The following DEK variants were observed in gnomAD, a reference collection of about 807,000 sequenced individuals.
DEK encodes protein DEK.
DEK carries 28 observed loss-of-function variants against 46.8 expected under a neutral mutation model. The observed-to-expected ratio is 0.60, with a 90% CI of 0.44 to 0.82. The LOEUF (loss-of-function observed/expected upper bound fraction) is 0.82. Among genes scored for constraint, DEK ranks in the 40% least tolerant of loss-of-function variants. The pLI is 0.00. For synonymous variants in DEK, 160 were observed against 144.5 expected, an observed-to-expected ratio of 1.11 and a Z score of -0.77; for missense variants, 416 against 430.6, an observed-to-expected ratio of 0.97 and a Z score of 0.30.
intron 2 of DEK, among the ~76,000 whole-genome samples, chr6:18,258,651 T>C (rs73366563): frequency 0.016 from 2,491 of 152,226 alleles, 60 homozygotes; most frequent in African/African-American, 0.057. Context: ...AAAAAAAAAT[T>C]AGAAAGCAAA....
chr6:18,227,980 C>A (rs919862433), intron 9 of DEK, among the ~76,000 whole-genome samples: 4 of 152,166 alleles, frequency 2.6e-5, no homozygotes, highest in African/African-American at 9.7e-5. Context: ...GTCCTGTACT[C>A]CTAAAATTTG....
At chr6:18,249,330 C>A (rs1791262297) in intron 7 of DEK, among the ~76,000 whole-genome samples, 1 of 152,176 alleles carries the variant, frequency 6.6e-6, no homozygotes, top group African/African-American at 2.4e-5. Context: ...CTCGAAGAAT[C>A]TGCTCCTATG....
At chr6:18,240,196 A>T (rs1790842216) in intron 7 of DEK, among the ~76,000 whole-genome samples, 1 of 152,364 alleles carries the variant, frequency 6.6e-6, no homozygotes, top group Admixed American at 6.5e-5. Context: ...ATAATAATAA[A>T]TAACAAGCCA....
intron 9 of DEK, among the ~76,000 whole-genome samples, chr6:18,234,121 G>C (rs1464892398): frequency 1.3e-5 from 2 of 150,350 alleles, no homozygotes; most frequent in Admixed American, 6.6e-5. Context: ...CTCACTCATA[G>C]GTGGGAATTG....
intron 6 of DEK, among the ~76,000 whole-genome samples, chr6:18,253,327 G>A (rs368971625): frequency 1.3e-5 from 2 of 152,280 alleles, no homozygotes; most frequent in East Asian, 1.9e-4. Flanking sequence ...AATGATAAAC[G>A]TTATGATTTC....
intron 9 of DEK, among the ~76,000 whole-genome samples, chr6:18,233,031 C>T (rs548420338): frequency 4.3e-4 from 65 of 152,210 alleles, no homozygotes; most frequent in African/African-American, 1.5e-3. Flanking sequence ...ACAGAGCCCT[C>T]GGAAATAATA....
intron 9 of DEK, among the ~76,000 whole-genome samples, chr6:18,229,603 C>T (rs962315511): frequency 2.0e-5 from 3 of 152,004 alleles, no homozygotes; most frequent in African/African-American, 4.8e-5. Context: ...GTAGCCGATT[C>T]GATCAACTGG....
chr6:18,252,420 G>A (rs749617173), intron 6 of DEK, among the ~76,000 whole-genome samples: 2 of 139,688 alleles, frequency 1.4e-5, no homozygotes, highest in Admixed American at 1.6e-4. Context: ...GAGGTGAGAG[G>A]ATCACCTGAG....
intron 7 of DEK, among the ~76,000 whole-genome samples, chr6:18,240,604 A>C (rs1353512653): frequency 1.3e-5 from 2 of 152,118 alleles, no homozygotes; most frequent in East Asian, 3.8e-4. Flanking sequence ...CCTTTTGCAG[A>C]ATGAGAAATT....
At chr6:18,237,185 C>A (rs214513) in intron 8 of DEK, 196 bp downstream of exon 8, 48,014 of 481,900 alleles carry the variant, frequency 0.1, 2,774 homozygotes, top group African/African-American at 0.21. Flanking sequence ...GTCTCTCTCT[C>A]TATATATATA....
chr6:18,255,880 T>G (rs1473148846), intron 5 of DEK, 29 bp from the exon 6 acceptor site: 2 of 1,585,382 alleles, frequency 1.3e-6, no homozygotes, highest in Admixed American at 1.9e-5. Flanking sequence ...GAAACCAAGG[T>G]GTTAATATAG....
intron 6 of DEK, among the ~76,000 whole-genome samples, chr6:18,250,895 T>C (rs1791350962): frequency 6.6e-6 from 1 of 152,218 alleles, no homozygotes; most frequent in South Asian, 2.1e-4. Flanking sequence ...CTTTCAACAA[T>C]GTCAGGCTCA....
At chr6:18,259,430 A>AAAAAAAAAAAAAAAAAAAAAAAAT (rs1554162685) in intron 2 of DEK, among the ~76,000 whole-genome samples, 2 of 96,844 alleles carry the variant, frequency 2.1e-5, no homozygotes, top group Non-Finnish European at 2.4e-5. Flanking sequence ...AAAAAAAAAA[A>AAAAAAAAAAAAAAAAAAAAAAAAT]AAATCTAGAA....
At chr6:18,258,652 A>G (rs1791708352) in intron 2 of DEK, among the ~76,000 whole-genome samples, 2 of 152,236 alleles carry the variant, frequency 1.3e-5, no homozygotes, top group Admixed American at 1.3e-4. Context: ...AAAAAAAATT[A>G]GAAAGCAAAC....
intron 2 of DEK, 43 bp from the exon 3 acceptor site, chr6:18,258,448 A>T (rs751347633): frequency 5.5e-6 from 8 of 1,461,860 alleles, no homozygotes; most frequent in Non-Finnish European, 7.6e-6. Context: ...AAAAGCTTAA[A>T]CATTGTATTA....
chr6:18,236,963 A>C (rs1366655491), intron 8 of DEK: 10 of 196,532 alleles, frequency 5.1e-5, no homozygotes, highest in Non-Finnish European at 1.0e-4. Context: ...GCAGTGGTCC[A>C]AGCCTGTAAA....
intron 2 of DEK, among the ~76,000 whole-genome samples, chr6:18,263,482 C>T (rs1202303722): frequency 1.3e-5 from 2 of 151,818 alleles, no homozygotes; most frequent in Non-Finnish European, 2.9e-5. Flanking sequence ...AAAATTAGAA[C>T]ATCCACTTAG....
intron 2 of DEK, among the ~76,000 whole-genome samples, chr6:18,260,184 T>C (rs1194022731): frequency 6.6e-6 from 1 of 152,234 alleles, no homozygotes; most frequent in East Asian, 1.9e-4. Context: ...TCTTCCCATA[T>C]ACTTTATATC....
intron 6 of DEK, among the ~76,000 whole-genome samples, chr6:18,250,752 T>TC (rs1432432149): frequency 6.6e-6 from 1 of 151,374 alleles, no homozygotes; most frequent in Non-Finnish European, 1.5e-5. Context: ...CACCCTGGCC[T>TC]CCCAAAGTCC....
Sources: gnomAD v4.1 joint callset for allele counts (sites outside exome capture counted in the v4.1 genomes callset) on GRCh38, gnomAD v4.1.1 for gene constraint, MANE v1.5 for transcripts, NCBI Gene and HGNC (gene_info 2026-07-23, HGNC 2026-07-21) for gene names.